GPC5: variants seen among roughly 807,000 people sequenced by gnomAD.
GPC5 encodes glypican 5.
Under a neutral mutation model 53.9 loss-of-function variants are expected in GPC5, and 47 were observed. The observed-to-expected ratio is 0.87, with a 90% CI of 0.69 to 1.11. The LOEUF (loss-of-function observed/expected upper bound fraction) is 1.11. GPC5 is among the 50% of genes most tolerant of loss of function. GPC5 has a pLI of 0.00. For synonymous variants in GPC5, 286 were observed against 263.3 expected (o/e 1.09, Z -0.84); for missense variants, 748 against 713.1 (o/e 1.05, Z -0.56).
At chr13:91,413,486 A>T (rs1877962286) in intron 1 of GPC5, among the ~76,000 whole-genome samples, 1 of 152,250 alleles carries the variant, frequency 6.6e-6, no homozygotes, top group African/African-American at 2.4e-5. Context: ...AAGTGAAAAT[A>T]TATACTTTAC....
intron 7 of GPC5, among the ~76,000 whole-genome samples, chr13:92,665,812 G>T (rs896873274): frequency 6.6e-6 from 1 of 152,080 alleles, no homozygotes; most frequent in Non-Finnish European, 1.5e-5. Context: ...GTGTACTTGT[G>T]GTTTTTGTAT....
intron 7 of GPC5, chr13:92,446,482 T>C (rs894788804): frequency 4.6e-5 from 7 of 151,468 alleles, no homozygotes; most frequent in African/African-American, 1.5e-4. Context: ...TATGGCTAGA[T>C]AGTGCTCCAT....
chr13:91,813,997 A>G (rs2038359751), intron 5 of GPC5, among the ~76,000 whole-genome samples: 1 of 124,804 alleles, frequency 8.0e-6, no homozygotes, highest in Non-Finnish European at 1.6e-5. Flanking sequence ...CAGTGGCGTG[A>G]TCTCGGCTCA....
chr13:92,436,886 C>T (rs1395089718), intron 7 of GPC5, among the ~76,000 whole-genome samples: 1 of 151,996 alleles, frequency 6.6e-6, no homozygotes, highest in Non-Finnish European at 1.5e-5. Flanking sequence ...ATAAATGAAT[C>T]AACACAATGA....
rs543391612 is a variant in GPC5 at position 92,660,743 on chromosome 13, T to C, written c.1562-205539T>C. Among the ~76,000 whole-genome samples, 164 of 152,256 alleles carry C rather than the reference T, an allele frequency of 1.1e-3. 1 individual carries two copies. The highest frequency in any genetic ancestry group is 3.6e-3 in the African/African-American group (151 of 41,554). On this transcript the variant is annotated intron_variant, in intron 7 of 7. Transcript: ENST00000377067. ...TTCTGAAAAATCTGCCTAACAGATC[T>C]CTTAGTCTACATAAACATAATCTAA... is the stretch of plus-strand genomic sequence containing the variant.
At chr13:92,696,953 G>T (rs1040757746) in intron 7 of GPC5, among the ~76,000 whole-genome samples, 6 of 152,080 alleles carry the variant, frequency 3.9e-5, no homozygotes, top group African/African-American at 1.4e-4. Flanking sequence ...ATTAAATAGG[G>T]AATCCTTTCC....
Position 91,552,626 on chromosome 13 carries a change from T to C in GPC5, c.325+103704T>C, listed in dbSNP as rs149853674. On this transcript the variant is annotated intron_variant, in intron 2 of 7. Transcript: ENST00000377067. ...AATTAAAGGAATAGGTTGGGCTGGTTAACTGCAGCAGAAGCATGTCCTTAA... is the reference window on the plus strand; with the variant it reads ...AATTAAAGGAATAGGTTGGGCTGGTCAACTGCAGCAGAAGCATGTCCTTAA... Among the ~76,000 whole-genome samples, 1,043 of 152,226 alleles carry C rather than the reference T, an allele frequency of 6.9e-3. 6 individuals carry two copies. Among genetic ancestry groups the C allele is most frequent in the Middle Eastern group, 0.017 (5 of 294 alleles).
intron 7 of GPC5, among the ~76,000 whole-genome samples, chr13:92,265,193 T>G (rs2042795079): frequency 6.6e-6 from 1 of 152,070 alleles, no homozygotes; most frequent in Non-Finnish European, 1.5e-5. Flanking sequence ...CTCAAACAGT[T>G]TTAAAATTCT....
At chr13:92,496,984 C>T (rs983501448) in intron 7 of GPC5, among the ~76,000 whole-genome samples, 20 of 152,040 alleles carry the variant, frequency 1.3e-4, no homozygotes, top group Non-Finnish European at 2.8e-4. Flanking sequence ...GTTTAAGTTC[C>T]CTGTAGATTC....
chr13:91,523,747 C>A (rs1033582651), intron 2 of GPC5, among the ~76,000 whole-genome samples: 5 of 152,124 alleles, frequency 3.3e-5, no homozygotes, highest in Admixed American at 3.3e-4. Flanking sequence ...ACACACAGCA[C>A]CCATGTGAGG....
intron 7 of GPC5, among the ~76,000 whole-genome samples, chr13:92,378,169 C>T (rs2043710063): frequency 6.6e-6 from 1 of 152,146 alleles, no homozygotes; most frequent in Non-Finnish European, 1.5e-5. Flanking sequence ...TGCCACTTTC[C>T]TGCTAGTCCT....
At chr13:91,563,578 G>C (rs2031387554) in intron 2 of GPC5, among the ~76,000 whole-genome samples, 1 of 152,090 alleles carries the variant, frequency 6.6e-6, no homozygotes, top group Non-Finnish European at 1.5e-5. Context: ...GTTATAAATA[G>C]AACGACTTAA....
chr13:91,469,522 C>T (rs977174367), intron 2 of GPC5, among the ~76,000 whole-genome samples: 1 of 152,064 alleles, frequency 6.6e-6, no homozygotes, highest in Non-Finnish European at 1.5e-5. Flanking sequence ...CCACCTCAGC[C>T]TCCTAAGTGC....
intron 2 of GPC5, among the ~76,000 whole-genome samples, chr13:91,478,879 CAT>C (rs1460634151): frequency 0.12 from 5,041 of 42,416 alleles, 330 homozygotes; most frequent in African/African-American, 0.16. Flanking sequence ...TATATATACA[CAT>C]TATATATATA....
chr13:92,738,261 TA>T (rs1888992820), intron 7 of GPC5, among the ~76,000 whole-genome samples: 1 of 152,098 alleles, frequency 6.6e-6, no homozygotes, highest in Non-Finnish European at 1.5e-5. Context: ...TTAGAAATTA[TA>T]AAAAGTAATT....
At chr13:92,517,194 G>C (rs577738374) in intron 7 of GPC5, among the ~76,000 whole-genome samples, 2 of 152,278 alleles carry the variant, frequency 1.3e-5, no homozygotes, top group East Asian at 3.9e-4. Context: ...CTAGAACTGG[G>C]CAGAGCCCAC....
At chr13:92,284,643 C>T (rs575270831) in intron 7 of GPC5, among the ~76,000 whole-genome samples, 1 of 152,140 alleles carries the variant, frequency 6.6e-6, no homozygotes, top group South Asian at 2.1e-4. Flanking sequence ...ACAAAAAACA[C>T]ATGATTATCT....
Position 92,268,779 on chromosome 13 carries a change from T to C in GPC5, c.1561+123790T>C, listed in dbSNP as rs1470421629. Among the ~76,000 whole-genome samples the C allele has an allele frequency of 2.6e-5, 4 of 152,130 alleles. No individual in the cohort carries two copies. The South Asian group carries it at 8.3e-4, about 31-fold the overall frequency. ...TATGTCTAAACAGTATCAGGTTAAA[T>C]TTTGGTCCAGAATAAAATGTATGTG... On this transcript the variant is annotated intron_variant, in intron 7 of 7. Coordinates refer to ENST00000377067, the MANE Select transcript of GPC5 (RefSeq NM_004466.6).
At position 91,678,910 on chromosome 13, in the gene GPC5, C is replaced by A. The variant is rs533736556; in HGVS notation, c.326-14277C>A. On this transcript the variant is annotated intron_variant, in intron 2 of 7. Coordinates refer to ENST00000377067, the MANE Select transcript of GPC5 (RefSeq NM_004466.6). ...TTCTAGCACTTGGATATTCTTTTAG[C>A]CATGTTTTGGAGACTCTGCAATGTG... Among the ~76,000 whole-genome samples, 149 of 152,120 alleles carry A rather than the reference C, an allele frequency of 9.8e-4. 1 individual carries two copies. Among genetic ancestry groups the A allele is most frequent in the African/African-American group, 3.2e-3 (134 of 41,532 alleles).
Sources: allele counts gnomAD v4.1 joint callset (sites outside exome capture counted in the v4.1 genomes callset), GRCh38; gene constraint gnomAD v4.1.1; transcripts MANE v1.5; gene names NCBI Gene and HGNC (gene_info 2026-07-23, HGNC 2026-07-21).